The following ELOVL5 variants were observed in gnomAD, a reference collection of about 807,000 sequenced individuals.
The protein encoded by ELOVL5 is ELOVL fatty acid elongase 5.
Under a neutral mutation model 38.6 loss-of-function variants are expected in ELOVL5, and 8 were observed. The ratio of observed to expected loss-of-function variants is 0.21; its 90% CI spans 0.12 to 0.37. ELOVL5 has a LOEUF of 0.37. Ranked by LOEUF, ELOVL5 falls within the 10% of genes least tolerant of loss-of-function variation. The pLI, the probability that ELOVL5 is intolerant of heterozygous loss-of-function variation, is 1.00. For synonymous variants in ELOVL5, 127 were observed against 133.7 expected (o/e 0.95, Z 0.34); for missense variants, 280 against 367.8 (o/e 0.76, Z 1.95).
chr6:53,309,765 G>A (rs1231140323), intron 1 of ELOVL5, among the ~76,000 whole-genome samples: 1 of 152,196 alleles, frequency 6.6e-6, no homozygotes, highest in Non-Finnish European at 1.5e-5. Flanking sequence ...CTGCTATGCT[G>A]CAAACAGTCC....
At chr6:53,277,658 T>C (rs771448627) in intron 3 of ELOVL5, 3 of 152,238 alleles carry the variant, frequency 2.0e-5, no homozygotes, top group African/African-American at 4.8e-5. Flanking sequence ...GGTAATTCAT[T>C]AGAAGGTGTA....
intron 1 of ELOVL5, among the ~76,000 whole-genome samples, chr6:53,347,512 A>T (rs1023856437): frequency 6.6e-6 from 1 of 152,232 alleles, no homozygotes; most frequent in Non-Finnish European, 1.5e-5. Context: ...GCAGACCAAC[A>T]GGTTATCTGC....
intron 3 of ELOVL5, among the ~76,000 whole-genome samples, chr6:53,283,544 G>A (rs1766443723): frequency 6.6e-6 from 1 of 152,134 alleles, no homozygotes; most frequent in African/African-American, 2.4e-5. Context: ...ATATCACTGG[G>A]GGGGACAATA....
At chr6:53,294,322 T>C (rs1014666868) in intron 2 of ELOVL5, 9 of 1,575,060 alleles carry the variant, frequency 5.7e-6, no homozygotes, top group Admixed American at 1.9e-5. Flanking sequence ...CCAGTGAGTT[T>C]TGAGGGATGA....
intron 7 of ELOVL5, 41 bp from the exon 8 acceptor site, chr6:53,269,311 T>C (rs1442283060): frequency 7.5e-7 from 1 of 1,335,804 alleles, no homozygotes. Flanking sequence ...ATGACCACAG[T>C]TTTCTTTATA....
intron 3 of ELOVL5, among the ~76,000 whole-genome samples, chr6:53,289,069 C>A (rs1380274262): frequency 6.6e-6 from 1 of 151,900 alleles, no homozygotes; most frequent in Non-Finnish European, 1.5e-5. Flanking sequence ...AACAAAAAAA[C>A]CCCGCTTCTT....
intron 6 of ELOVL5, among the ~76,000 whole-genome samples, 157 bp from the exon 7 acceptor site, chr6:53,270,884 CTA>C (rs1765894902): frequency 6.6e-6 from 1 of 152,232 alleles, no homozygotes; most frequent in Non-Finnish European, 1.5e-5. Flanking sequence ...AACACATACA[CTA>C]TACTTATCCT....
At chr6:53,289,634 C>T (rs754477155) in intron 3 of ELOVL5, among the ~76,000 whole-genome samples, 10 of 152,118 alleles carry the variant, frequency 6.6e-5, no homozygotes, top group Non-Finnish European at 1.3e-4. Flanking sequence ...GCAAGAGAAT[C>T]GCTTGAACCT....
Position 53,270,703 on chromosome 6 carries a change from GGAT to G in ELOVL5, c.643_645del (p.Ile215del). The G allele has an allele frequency of 6.2e-7, 1 of 1,614,160 alleles. No homozygotes were observed. The highest frequency in any genetic ancestry group is 8.5e-7 in the Non-Finnish European group (1 of 1,180,014). On this transcript the variant is annotated inframe_deletion, in exon 7 of 8. Transcript: ENST00000304434. ...GGCCAGATGACCCCGCAGCTGGTCT[GGAT>G]GATTGTCAGCACAAACTGAAGCTAG...
At chr6:53,291,518 T>C (rs956082597) in intron 3 of ELOVL5, among the ~76,000 whole-genome samples, 4 of 152,228 alleles carry the variant, frequency 2.6e-5, no homozygotes, top group Non-Finnish European at 5.9e-5. Context: ...ACTTTAATTT[T>C]GAATATCATA....
chr6:53,331,867 G>A (rs771726088), intron 1 of ELOVL5, among the ~76,000 whole-genome samples: 1 of 152,212 alleles, frequency 6.6e-6, no homozygotes, highest in Non-Finnish European at 1.5e-5. Flanking sequence ...TTAGCTCACA[G>A]TTCTGCAGAC....
intron 1 of ELOVL5, among the ~76,000 whole-genome samples, chr6:53,304,935 G>T (rs1362877609): frequency 6.6e-6 from 1 of 152,142 alleles, no homozygotes; most frequent in Non-Finnish European, 1.5e-5. Context: ...TCAATGAGCT[G>T]TTGGGTACAC....
At chr6:53,270,565 C>A in intron 7 of ELOVL5, 28 bp downstream of exon 7, 1 of 1,612,578 alleles carries the variant, frequency 6.2e-7, no homozygotes, top group South Asian at 1.1e-5. Flanking sequence ...GCCCCAGATT[C>A]CAAGTCCCAG....
intron 1 of ELOVL5, 34 bp downstream of exon 1, chr6:53,348,783 C>T (rs1416587958): frequency 8.8e-6 from 4 of 453,158 alleles, no homozygotes; most frequent in Non-Finnish European, 1.3e-5. Context: ...GAGCGGCGGC[C>T]CCCGACGAAG....
intron 3 of ELOVL5, among the ~76,000 whole-genome samples, chr6:53,284,297 C>A (rs906508417): frequency 1.1e-5 from 1 of 92,200 alleles, no homozygotes; most frequent in African/African-American, 6.1e-5. Context: ...CAGAGCAAGA[C>A]CATCTTTTTT....
chr6:53,328,396 T>C (rs1768642712), intron 1 of ELOVL5, among the ~76,000 whole-genome samples: 1 of 152,170 alleles, frequency 6.6e-6, no homozygotes, highest in Non-Finnish European at 1.5e-5. Context: ...TCTGAGGTTA[T>C]AAAAATCTTA....
At chr6:53,306,949 T>C (rs1767605746) in intron 1 of ELOVL5, among the ~76,000 whole-genome samples, 1 of 152,184 alleles carries the variant, frequency 6.6e-6, no homozygotes, top group African/African-American at 2.4e-5. Flanking sequence ...CAGTAACTAA[T>C]TAATGCCCAC....
At chr6:53,325,277 A>G (rs1313634360) in intron 1 of ELOVL5, among the ~76,000 whole-genome samples, 2 of 152,250 alleles carry the variant, frequency 1.3e-5, no homozygotes, top group African/African-American at 4.8e-5. Context: ...AAAGAGAATC[A>G]TGTATGATTC....
chr6:53,267,758 A>G lies in ELOVL5; in HGVS notation c.*1369T>C, dbSNP rs1765790742. On this transcript the variant is annotated 3_prime_UTR_variant, in exon 8 of 8. Coordinates refer to ENST00000304434, the MANE Select transcript of ELOVL5 (RefSeq NM_021814.5). ...ACAATTAGTTTATACATTGTCAATG[A>G]CCTTCTAAGATATGTCATGAGTGGT... 1 of 152,652 alleles carries G rather than the reference A, an allele frequency of 6.6e-6. No individual in the cohort carries two copies. Among genetic ancestry groups the G allele is most frequent in the Admixed American group, 6.5e-5 (1 of 15,282 alleles). 9.5% of individuals were successfully genotyped at this position (152,652 alleles called of 1,614,324 possible). A position where few individuals can be genotyped will look rare whatever the true frequency, so the allele number is the denominator to read the frequency against.
Sources: allele counts gnomAD v4.1 joint callset (sites outside exome capture counted in the v4.1 genomes callset), GRCh38; gene constraint gnomAD v4.1.1; transcripts MANE v1.5; gene names NCBI Gene and HGNC (gene_info 2026-07-23, HGNC 2026-07-21).